The following EXD2 variants were observed in gnomAD, a reference collection of about 807,000 sequenced individuals.
EXD2 encodes exonuclease 3'-5' domain containing 2, also known as exonuclease 3'-5' domain-containing protein 2.
A neutral mutation model predicts 62.5 loss-of-function variants in EXD2; 40 were observed. That is an observed-to-expected ratio of 0.64 (90% CI 0.50 to 0.83). The LOEUF (loss-of-function observed/expected upper bound fraction) is 0.83, where lower values mean the gene tolerates loss of function less well. Among genes scored for constraint, EXD2 ranks in the 40% least tolerant of loss-of-function variants. The probability of loss-of-function intolerance (pLI) is 0.00; values close to 1 mark genes in which losing one functional copy is unlikely to be tolerated. For missense variants in EXD2, 671 were observed against 761.8 expected (o/e 0.88, Z 1.40); for synonymous variants, 239 against 291.9 (o/e 0.82, Z 1.85).
intron 9 of EXD2, among the ~76,000 whole-genome samples, chr14:69,239,427 T>G (rs1453566103): frequency 2.0e-5 from 3 of 152,244 alleles, no homozygotes; most frequent in Non-Finnish European, 2.9e-5. Context: ...TATTTAATTT[T>G]TTTAGAAAAC....
rs1312209421 is a variant in EXD2, at chr14:69,208,866, G to GA, written c.-47-555dup. The GA allele has an allele frequency of 2.6e-5, 4 of 152,318 alleles. No individual in the cohort carries two copies. The East Asian group carries it at 5.8e-4, about 22-fold the overall frequency. 9.4% of individuals were successfully genotyped at this position (152,318 alleles called of 1,614,324 possible). On this transcript the variant is annotated intron_variant, in intron 2 of 9. Transcript: ENST00000685843. Reference sequence around the variant, plus strand: ...AACTGCTGAGCCTTCTGGAGCAACAGAAAGTGTTGAGTCAAACCTGTTTCC... The same window carrying GA: ...AACTGCTGAGCCTTCTGGAGCAACAGAAAAGTGTTGAGTCAAACCTGTTTCC...
In EXD2 at chr14:69,236,066, A is replaced by G. The variant is rs759172774; in HGVS notation, c.1070A>G (p.Asn357Ser). 1.2e-5 allele frequency: 20 copies of G among 1,614,106 alleles called. No homozygotes were observed. The highest frequency in any genetic ancestry group is 1.7e-5 in the Non-Finnish European group (20 of 1,179,952). ...YSARKSPLYD[N>S]CFLHAPDGQP... ...TGCAGAAAATCACCTCTTTATGATAACTGCTTTCTCCATGCTCCTGATGGA... is the reference window on the plus strand; with the variant it reads ...TGCAGAAAATCACCTCTTTATGATAGCTGCTTTCTCCATGCTCCTGATGGA... Residue 357 changes from asparagine to serine, a missense_variant, in exon 7 of 10, where the codon AAC (asparagine) becomes AGC (serine). By Grantham distance (46) the Asn-to-Ser change is conservative. Transcript: ENST00000685843.
chr14:69,193,040 A>C (rs6573875), intron 1 of EXD2, among the ~76,000 whole-genome samples: 102,897 of 150,594 alleles, frequency 0.68, 35,791 homozygotes, highest in East Asian at 1. Context: ...GTGGATAATA[A>C]TTTCCTCCAT....
intron 3 of EXD2, among the ~76,000 whole-genome samples, chr14:69,212,541 T>TGGTG (rs2042843051): frequency 6.7e-6 from 1 of 150,068 alleles, no homozygotes; most frequent in African/African-American, 2.5e-5. Context: ...AGAGACAGGG[T>TGGTG]GGTGTCACTC....
At position 69,225,137 on chromosome 14, in the gene EXD2, C is replaced by G. The variant is rs527787287; in HGVS notation, c.334-3679C>G. ...TTGGGCCTTAGTTCTGTTGCCTGAA[C>G]AGGGTAAACTCATTCCTATCTCAAA... On this transcript the variant is annotated intron_variant, in intron 3 of 9. Transcript: ENST00000685843. Among the ~76,000 whole-genome samples the G allele has an allele frequency of 3.9e-5, 6 of 152,258 alleles. No homozygotes were observed. The East Asian group carries it at 9.6e-4, about 24-fold the overall frequency.
At position 69,238,600 on chromosome 14, in the gene EXD2, T is replaced by G. The variant is rs1165443483; in HGVS notation, c.1649+669T>G. ...TGTTTGGTACAGATAGTACAGATAG[T>G]TTTTTTTTTTTTTTTTCCAAATAGT... On this transcript the variant is annotated intron_variant, in intron 9 of 9. Coordinates refer to ENST00000685843, the MANE Select transcript of EXD2 (RefSeq NM_001193360.2). Among the ~76,000 whole-genome samples the G allele has an allele frequency of 1.3e-4, 16 of 121,318 alleles. No homozygotes were observed. The East Asian group carries it at 1.4e-3, about 11-fold the overall frequency. The allele number at this position is 121,318 out of a possible 152,430, so 79.6% of individuals were successfully genotyped here.
In EXD2 at chr14:69,231,594, C is replaced by T. The variant is rs147301845; in HGVS notation, c.717+996C>T. Among the ~76,000 whole-genome samples, 6 of 152,262 alleles carry T rather than the reference C, an allele frequency of 3.9e-5. No individual in the cohort carries two copies. In the East Asian group the frequency reaches 1.2e-3, roughly 29 times the overall value. On this transcript the variant is annotated intron_variant, in intron 5 of 9. Coordinates refer to ENST00000685843, the MANE Select transcript of EXD2 (RefSeq NM_001193360.2). ...GTGTTCCATGTACCTATTATTTCCA[C>T]CCCAGACTCCTTATCAGAACTATGG...
At chr14:69,208,752 G>A (rs538580094) in intron 2 of EXD2, 2 of 152,172 alleles carry the variant, frequency 1.3e-5, no homozygotes, top group Non-Finnish European at 2.9e-5. Context: ...ATCTCTCTAA[G>A]TTCTACCTTT....
chr14:69,205,612 T>C (rs2042565455), intron 2 of EXD2, among the ~76,000 whole-genome samples: 1 of 152,192 alleles, frequency 6.6e-6, no homozygotes, highest in Admixed American at 6.5e-5. Flanking sequence ...GAAATCTTTG[T>C]TTGATGGCTC....
At chr14:69,203,614 A>G (rs2042484404) in intron 1 of EXD2, among the ~76,000 whole-genome samples, 1 of 152,202 alleles carries the variant, frequency 6.6e-6, no homozygotes, top group African/African-American at 2.4e-5. Flanking sequence ...GAACGCAAGG[A>G]CTTTCAACAA....
chr14:69,207,300 C>T (rs1362919076), intron 2 of EXD2, among the ~76,000 whole-genome samples: 1 of 151,914 alleles, frequency 6.6e-6, no homozygotes, highest in Admixed American at 6.6e-5. Flanking sequence ...TCAAGACCAG[C>T]CTGGCCAACA....
At chr14:69,226,428 GT>G (rs1190313857) in intron 3 of EXD2, among the ~76,000 whole-genome samples, 3 of 152,186 alleles carry the variant, frequency 2.0e-5, no homozygotes, top group Non-Finnish European at 2.9e-5. Flanking sequence ...TTAGATCATG[GT>G]TTTACTCCGC....
rs1385505210 is a variant in EXD2 at position 69,209,533 on chromosome 14, G to C, written c.63G>C (p.Gly21=). ...CCCTTCTGGGTGTGGCTGTAGGGGG[G>C]TTTGTCCTCTGGAAAGGCATCCAGC... The part of the protein sequence containing the change: ...VTTLLGVAVG[G]FVLWKGIQRR... The change falls in exon 3 of 10, where the codon GGG becomes GGC. Residue 21 remains glycine, a synonymous_variant. Transcript: ENST00000685843. 2 of 1,550,602 alleles carry C rather than the reference G, an allele frequency of 1.3e-6. No individual in the cohort carries two copies. The highest frequency in any genetic ancestry group is 1.7e-6 in the Non-Finnish European group (2 of 1,146,980).
chr14:69,225,352 T>C (rs538484551), intron 3 of EXD2, among the ~76,000 whole-genome samples: 10 of 152,342 alleles, frequency 6.6e-5, no homozygotes, highest in African/African-American at 2.2e-4. Flanking sequence ...TTTTTTTCTT[T>C]TAAGAATACT....
intron 1 of EXD2, among the ~76,000 whole-genome samples, chr14:69,201,405 T>A (rs544384299): frequency 1.3e-5 from 2 of 152,054 alleles, no homozygotes; most frequent in South Asian, 4.2e-4. Flanking sequence ...ACTAGGCCGG[T>A]CTCAAACTCC....
chr14:69,237,232 G>A (rs571681407), intron 8 of EXD2, among the ~76,000 whole-genome samples: 1 of 152,290 alleles, frequency 6.6e-6, no homozygotes, highest in South Asian at 2.1e-4. Flanking sequence ...TTGTTTTCCA[G>A]TTGTCAAAGG....
intron 2 of EXD2, chr14:69,209,163 A>G (rs1005333457): frequency 1.5e-5 from 3 of 202,174 alleles, no homozygotes; most frequent in African/African-American, 7.0e-5. Context: ...GACTGATATG[A>G]TTTTATATCA....
At chr14:69,224,584 T>G (rs1412053983) in intron 3 of EXD2, among the ~76,000 whole-genome samples, 1 of 152,230 alleles carries the variant, frequency 6.6e-6, no homozygotes, top group Non-Finnish European at 1.5e-5. Context: ...CTTTGACTCT[T>G]GTGCATGTAC....
chr14:69,197,824 T>G (rs911585086), intron 1 of EXD2, among the ~76,000 whole-genome samples: 1 of 152,254 alleles, frequency 6.6e-6, no homozygotes, highest in Admixed American at 6.5e-5. Context: ...TGAATTTACA[T>G]ATTATTTTGA....
Sources: allele counts gnomAD v4.1 joint callset (sites outside exome capture counted in the v4.1 genomes callset), GRCh38; gene constraint gnomAD v4.1.1; transcripts MANE v1.5; gene names NCBI Gene and HGNC (gene_info 2026-07-23, HGNC 2026-07-21).